The following RBFOX1 variants were observed in gnomAD, a reference collection of about 807,000 sequenced individuals.
RBFOX1 encodes the protein RNA binding fox-1 homolog 1.
In RBFOX1, 8 loss-of-function variants were observed where a neutral mutation model predicts 57.7. That is an observed-to-expected ratio of 0.14 (90% CI 0.08 to 0.25). RBFOX1 has a LOEUF of 0.25. RBFOX1 is among the 10% of genes least tolerant of loss of function. The probability of loss-of-function intolerance (pLI) is 1.00; values close to 1 mark genes in which losing one functional copy is unlikely to be tolerated. For missense variants in RBFOX1, 611 were observed against 548.5 expected, an observed-to-expected ratio of 1.11 and a Z score of -1.14; for synonymous variants, 326 against 222.4, an observed-to-expected ratio of 1.47 and a Z score of -4.15.
At chr16:7,649,667 T>A (rs1447110818) in intron 11 of RBFOX1, among the ~76,000 whole-genome samples, 1 of 152,122 alleles carries the variant, frequency 6.6e-6, no homozygotes, top group East Asian at 1.9e-4. Context: ...AGACAAACAT[T>A]GGTTAACCAC....
intron 14 of RBFOX1, among the ~76,000 whole-genome samples, chr16:7,692,485 A>G (rs2077562314): frequency 6.6e-6 from 1 of 152,132 alleles, no homozygotes; most frequent in Admixed American, 6.6e-5. Context: ...GGTGATCCAT[A>G]AGCATAATAA....
chr16:5,400,924 G>T (rs976906075), intron 1 of RBFOX1, among the ~76,000 whole-genome samples: 2 of 151,914 alleles, frequency 1.3e-5, no homozygotes, highest in African/African-American at 4.8e-5. Context: ...TTCTATTGGG[G>T]CATTAATATT....
At chr16:5,295,314 A>G (rs569250394) in intron 1 of RBFOX1, among the ~76,000 whole-genome samples, 3 of 152,284 alleles carry the variant, frequency 2.0e-5, no homozygotes, top group African/African-American at 7.2e-5. Flanking sequence ...AGTAATGTAC[A>G]TGATGTAAGA....
At chr16:6,934,554 G>C (rs938813664) in intron 3 of RBFOX1, among the ~76,000 whole-genome samples, 12 of 152,042 alleles carry the variant, frequency 7.9e-5, no homozygotes, top group African/African-American at 2.9e-4. Flanking sequence ...ATAAAAAGAA[G>C]GAATTTTTTA....
chr16:6,581,929 G>A (rs1237911078), intron 2 of RBFOX1, among the ~76,000 whole-genome samples: 7 of 152,270 alleles, frequency 4.6e-5, no homozygotes, highest in South Asian at 2.1e-4. Flanking sequence ...TAAACCAATC[G>A]TTATGAAACC....
At chr16:6,114,569 G>GA (rs72529051) in intron 1 of RBFOX1, among the ~76,000 whole-genome samples, 1 of 126,688 alleles carries the variant, frequency 7.9e-6, no homozygotes, top group African/African-American at 4.2e-5. Flanking sequence ...AGTTTTCTTG[G>GA]AGGGGGCGTA....
intron 4 of RBFOX1, among the ~76,000 whole-genome samples, chr16:7,356,534 G>A (rs980229741): frequency 6.6e-6 from 1 of 152,138 alleles, no homozygotes; most frequent in East Asian, 1.9e-4. Flanking sequence ...GTGGTAGGTG[G>A]GGGGCCGATT....
chr16:7,495,776 G>A (rs957026273), intron 4 of RBFOX1, among the ~76,000 whole-genome samples: 1 of 152,246 alleles, frequency 6.6e-6, no homozygotes, highest in East Asian at 1.9e-4. Context: ...GGTAACGGGT[G>A]CACCAAAATC....
chr16:7,140,458 T>A (rs1413653251), intron 4 of RBFOX1, among the ~76,000 whole-genome samples: 1 of 152,000 alleles, frequency 6.6e-6, no homozygotes, highest in African/African-American at 2.4e-5. Context: ...TGTAGTTTTG[T>A]AAGGAGAGAA....
chr16:6,866,541 A>ATTTTTTTTTTTTTTTTTTTTTTT (rs56678526), intron 3 of RBFOX1, among the ~76,000 whole-genome samples: 2 of 78,878 alleles, frequency 2.5e-5, no homozygotes, highest in Admixed American at 2.0e-4. Context: ...CTTTCCTTCT[A>ATTTTTTTTTTTTTTTTTTTTTTT]TTTTTTTTTT....
At chr16:5,894,785 G>T (rs1170537077) in intron 4 of RBFOX1, among the ~76,000 whole-genome samples, 1 of 152,070 alleles carries the variant, frequency 6.6e-6, no homozygotes, top group African/African-American at 2.4e-5. Flanking sequence ...ACTTTGGGAG[G>T]CCGAGGCAGG....
At chr16:6,268,521 A>T (rs186987492) in intron 1 of RBFOX1, among the ~76,000 whole-genome samples, 38 of 152,318 alleles carry the variant, frequency 2.5e-4, no homozygotes, top group African/African-American at 8.9e-4. Context: ...CAGAGATGAG[A>T]CCTTCCTGAA....
In RBFOX1 at chr16:6,381,576, C is replaced by A. The variant is rs190109046; in HGVS notation, c.-64+64519C>A. 5.8e-4 allele frequency among the ~76,000 whole-genome samples: 89 copies of A among 152,308 alleles called. 1 individual carries two copies. In the Middle Eastern group the frequency reaches 0.01, roughly 17 times the overall value. On this transcript the variant is annotated intron_variant, in intron 2 of 15. Transcript: ENST00000550418. The stretch of plus-strand genomic sequence containing the variant: ...CAAAATAAGATGCAGGTTTGGGGTT[C>A]TTTTCCAAGGTCTTGCCTTTACCTA...
chr16:6,233,048 G>A (rs963600532), intron 1 of RBFOX1, among the ~76,000 whole-genome samples: 12 of 152,082 alleles, frequency 7.9e-5, no homozygotes, highest in Admixed American at 5.9e-4. Context: ...TGTAGGCCCC[G>A]ATACAGATCT....
intron 3 of RBFOX1, among the ~76,000 whole-genome samples, chr16:5,830,617 G>A (rs527620072): frequency 5.3e-5 from 8 of 152,260 alleles, no homozygotes; most frequent in Admixed American, 3.3e-4. Flanking sequence ...GGTGAGAAAA[G>A]ATGTATGGGA....
chr16:5,544,462 T>G (rs982156242), intron 2 of RBFOX1, among the ~76,000 whole-genome samples: 1 of 151,968 alleles, frequency 6.6e-6, no homozygotes, highest in African/African-American at 2.4e-5. Flanking sequence ...AAAAATAAAG[T>G]TCTCCAATTT....
At chr16:5,945,437 C>T (rs1216370417) in intron 4 of RBFOX1, among the ~76,000 whole-genome samples, 1 of 152,174 alleles carries the variant, frequency 6.6e-6, no homozygotes, top group Non-Finnish European at 1.5e-5. Flanking sequence ...CTATGCTTCG[C>T]CCCAGATCTA....
At chr16:5,811,508 T>C (rs907818648) in intron 3 of RBFOX1, among the ~76,000 whole-genome samples, 4 of 150,942 alleles carry the variant, frequency 2.7e-5, no homozygotes, top group Non-Finnish European at 2.9e-5. Flanking sequence ...TGGAGTGCAG[T>C]GGCACAATCT....
At position 6,487,703 on chromosome 16, in the gene RBFOX1, ATATATATATATATATATATATATAT is replaced by A. The variant is rs2095533351; in HGVS notation, c.-63-166899_-63-166875del. 1.3e-3 allele frequency among the ~76,000 whole-genome samples: 6 copies of A among 4,772 alleles called. 1 individual carries two copies. The East Asian group carries it at 0.05, about 40-fold the overall frequency. 3.1% of individuals were successfully genotyped at this position (4,772 alleles called of 152,430 possible). On this transcript the variant is annotated intron_variant, in intron 2 of 15. Transcript: ENST00000550418. ...AAAAAAAAAAAAAAAAAAAAAAAAT[ATATATATATATATATATATATATAT>A]ATATATATATATATATATATATATA... is the stretch of plus-strand genomic sequence containing the variant.
Sources: allele counts gnomAD v4.1 joint callset (sites outside exome capture counted in the v4.1 genomes callset), GRCh38; gene constraint gnomAD v4.1.1; transcripts MANE v1.5; gene names NCBI Gene and HGNC (gene_info 2026-07-23, HGNC 2026-07-21).